Variants in PREX2 observed in about 807,000 individuals in gnomAD.
PREX2 encodes the protein phosphatidylinositol-3,4,5-trisphosphate dependent Rac exchange factor 2.
PREX2 carries 107 observed loss-of-function variants against 203.2 expected under a neutral mutation model. The ratio of observed to expected loss-of-function variants is 0.53; its 90% CI spans 0.45 to 0.62. PREX2 has a LOEUF of 0.62. Ranked by LOEUF, PREX2 falls within the 20% of genes least tolerant of loss-of-function variation. PREX2 has a pLI of 0.00. For synonymous variants in PREX2, 672 were observed against 663.6 expected, an observed-to-expected ratio of 1.01 and a Z score of -0.19; for missense variants, 1,777 against 1,955.9, an observed-to-expected ratio of 0.91 and a Z score of 1.72.
intron 24 of PREX2, chr8:68,108,899 C>T (rs1053788029): frequency 3.7e-5 from 10 of 269,844 alleles, no homozygotes; most frequent in Admixed American, 2.2e-4. Context: ...TTTGTGACAA[C>T]ATAAATGAAC....
chr8:68,019,397 G>A, intron 2 of PREX2, 152 bp from the exon 3 acceptor site: 1 of 567,324 alleles, frequency 1.8e-6, no homozygotes. Context: ...GCGGCGTGAA[G>A]GGGAAGTCCA....
intron 13 of PREX2, 146 bp downstream of exon 13, chr8:68,070,030 TA>T: frequency 2.3e-6 from 1 of 435,676 alleles, no homozygotes; most frequent in Non-Finnish European, 4.0e-6. Context: ...TAATTTATTG[TA>T]AAATATCCCT....
intron 34 of PREX2, among the ~76,000 whole-genome samples, chr8:68,146,726 T>G (rs1393423646): frequency 2.0e-5 from 3 of 152,178 alleles, no homozygotes; most frequent in Middle Eastern, 3.2e-3. Flanking sequence ...AATTTATACT[T>G]TAGTCTCAAT....
At chr8:67,963,374 G>A (rs770690559) in intron 1 of PREX2, among the ~76,000 whole-genome samples, 8 of 152,100 alleles carry the variant, frequency 5.3e-5, no homozygotes, top group East Asian at 3.9e-4. Context: ...ATGTCTTAAA[G>A]CAGGCTAACC....
chr8:67,964,271 A>G (rs1042208860), intron 1 of PREX2, among the ~76,000 whole-genome samples: 2 of 152,192 alleles, frequency 1.3e-5, no homozygotes, highest in East Asian at 1.9e-4. Context: ...TCTTTGTAAC[A>G]TGGCTAATCC....
At chr8:67,965,507 A>ATGTG (rs371245321) in intron 1 of PREX2, among the ~76,000 whole-genome samples, 1 of 63,386 alleles carries the variant, frequency 1.6e-5, no homozygotes, top group Non-Finnish European at 3.2e-5. Context: ...GTATATATAT[A>ATGTG]TGTGTGTGTA....
chr8:68,226,410 G>T (rs913081152), intron 39 of PREX2, among the ~76,000 whole-genome samples: 1 of 152,164 alleles, frequency 6.6e-6, no homozygotes, highest in African/African-American at 2.4e-5. Flanking sequence ...ATCTCTCCCA[G>T]CTGAGAACCT....
chr8:68,162,358 TATG>T (rs1811673807), intron 35 of PREX2, among the ~76,000 whole-genome samples: 1 of 152,174 alleles, frequency 6.6e-6, no homozygotes, highest in Non-Finnish European at 1.5e-5. Context: ...CATATAGAAA[TATG>T]ATATTAAAGT....
At chr8:68,030,382 C>T in intron 5 of PREX2, 115 bp from the exon 6 acceptor site, 1 of 865,820 alleles carries the variant, frequency 1.2e-6, no homozygotes, top group Non-Finnish European at 1.7e-6. Flanking sequence ...TTTGTGATGT[C>T]ACTTATGGAA....
intron 28 of PREX2, 131 bp downstream of exon 28, chr8:68,119,645 A>C: frequency 3.1e-6 from 2 of 652,540 alleles, no homozygotes; most frequent in East Asian, 5.1e-5. Flanking sequence ...CCTTTACCTC[A>C]ATTTCTGACA....
At chr8:68,042,811 T>TA (rs1808236932) in intron 7 of PREX2, among the ~76,000 whole-genome samples, 1 of 152,086 alleles carries the variant, frequency 6.6e-6, no homozygotes, top group East Asian at 1.9e-4. Context: ...ATCAAACACT[T>TA]ACTGGAATTT....
chr8:68,147,690 C>T (rs1206366510), intron 34 of PREX2, among the ~76,000 whole-genome samples: 3 of 152,148 alleles, frequency 2.0e-5, no homozygotes, highest in East Asian at 3.9e-4. Context: ...TATTTTAAAA[C>T]CCTGAATTCA....
At chr8:68,013,957 C>T (rs189792173) in intron 1 of PREX2, among the ~76,000 whole-genome samples, 380 of 152,098 alleles carry the variant, frequency 2.5e-3, no homozygotes, top group African/African-American at 8.8e-3. Flanking sequence ...TAAAATCTGC[C>T]GGACTTTTGA....
intron 37 of PREX2, among the ~76,000 whole-genome samples, chr8:68,194,295 G>C (rs1483193926): frequency 6.6e-6 from 1 of 152,034 alleles, no homozygotes; most frequent in East Asian, 1.9e-4. Context: ...GGGGGGAAAC[G>C]GTTGATAAAG....
At chr8:67,955,019 C>G (rs1805457114) in intron 1 of PREX2, among the ~76,000 whole-genome samples, 1 of 151,678 alleles carries the variant, frequency 6.6e-6, no homozygotes, top group Non-Finnish European at 1.5e-5. Flanking sequence ...TGGTGGACAC[C>G]TTTAATCCCA....
intron 35 of PREX2, among the ~76,000 whole-genome samples, chr8:68,172,032 T>C (rs559383789): frequency 1.2e-4 from 19 of 152,330 alleles, no homozygotes; most frequent in South Asian, 1.2e-3. Context: ...TTTTTTAATA[T>C]CTTAAGATGC....
At position 68,072,526 on chromosome 8, in the gene PREX2, T is replaced by A. The variant is rs778852915; in HGVS notation, c.1525T>A (p.Ser509Thr). ...DKDYHLRTYK[S>T]VVMANKLIDW... ...AGATTACCATTTAAGGACCTACAAATCTGTGGTCATGGCCAACAAACTGAT... is the reference window on the plus strand; with the variant it reads ...AGATTACCATTTAAGGACCTACAAAACTGTGGTCATGGCCAACAAACTGAT... The change falls in exon 14 of 40, where the codon TCT becomes ACT. Residue 509 changes from serine to threonine, a missense_variant. Ser to Thr is a moderately conservative substitution (Grantham distance 58). Transcript: ENST00000288368. The A allele has an allele frequency of 7.5e-6, 12 of 1,597,096 alleles. No individual in the cohort carries two copies. The highest frequency in any genetic ancestry group is 1.0e-5 in the Non-Finnish European group (12 of 1,165,294).
intron 33 of PREX2, among the ~76,000 whole-genome samples, chr8:68,143,036 T>C (rs981038971): frequency 2.6e-5 from 4 of 152,170 alleles, no homozygotes; most frequent in Admixed American, 2.6e-4. Context: ...ATTTCCCTTA[T>C]AACAAATGAT....
rs192014105 is a variant in PREX2, at chr8:68,088,433, T to C, written c.2113+624T>C. On this transcript the variant is annotated intron_variant, in intron 19 of 39. Coordinates refer to ENST00000288368, the MANE Select transcript of PREX2 (RefSeq NM_024870.4). ...AAACATAGTAAGTAACTTGCGCCTA[T>C]AGCAAGAAGTGTCACTATTAGCATA... Among the ~76,000 whole-genome samples the C allele has an allele frequency of 1.6e-3, 240 of 152,356 alleles. 1 individual carries two copies. The highest frequency in any genetic ancestry group is 5.6e-3 in the African/African-American group (233 of 41,582).
Sources: gnomAD v4.1 joint callset for allele counts (sites outside exome capture counted in the v4.1 genomes callset) on GRCh38, gnomAD v4.1.1 for gene constraint, MANE v1.5 for transcripts, NCBI Gene and HGNC (gene_info 2026-07-23, HGNC 2026-07-21) for gene names.